The following PAX5 variants were observed in gnomAD, a reference collection of about 807,000 sequenced individuals.
The protein encoded by PAX5 is paired box protein Pax-5.
PAX5 carries 9 observed loss-of-function variants against 43.7 expected under a neutral mutation model. That is an observed-to-expected ratio of 0.21 (90% confidence interval 0.12 to 0.36). The LOEUF (loss-of-function observed/expected upper bound fraction) is 0.36. Among genes scored for constraint, PAX5 ranks in the 10% least tolerant of loss-of-function variants. The pLI, the probability that PAX5 is intolerant of heterozygous loss-of-function variation, is 1.00. For synonymous variants in PAX5, 228 were observed against 214.3 expected (o/e 1.06, Z -0.56); for missense variants, 383 against 532.7 (o/e 0.72, Z 2.77).
At chr9:36,905,600 C>A (rs748924901) in intron 7 of PAX5, among the ~76,000 whole-genome samples, 3 of 152,124 alleles carry the variant, frequency 2.0e-5, no homozygotes, top group Non-Finnish European at 4.4e-5. Context: ...CTCCGCATGG[C>A]TGAGTTGAAA....
intron 7 of PAX5, among the ~76,000 whole-genome samples, chr9:36,922,456 T>C (rs187994680): frequency 2.0e-5 from 3 of 152,270 alleles, no homozygotes; most frequent in Admixed American, 2.0e-4. Flanking sequence ...AGCTGGCAGC[T>C]GAGTCTGTCC....
chr9:36,899,631 C>T (rs550223699), intron 7 of PAX5, among the ~76,000 whole-genome samples: 2 of 152,196 alleles, frequency 1.3e-5, no homozygotes, highest in African/African-American at 4.8e-5. Flanking sequence ...CAAGGGCTAG[C>T]CAAAGGGAAA....
chr9:37,011,685 G>A (rs1838942615), intron 3 of PAX5, among the ~76,000 whole-genome samples: 1 of 152,184 alleles, frequency 6.6e-6, no homozygotes. Context: ...GTTCAGTGAT[G>A]CTTAACCCCT....
intron 6 of PAX5, among the ~76,000 whole-genome samples, chr9:36,942,214 G>T (rs1351391569): frequency 6.6e-6 from 1 of 152,222 alleles, no homozygotes; most frequent in Non-Finnish European, 1.5e-5. Context: ...GGGATTTGGG[G>T]TATCCCCATT....
intron 7 of PAX5, among the ~76,000 whole-genome samples, chr9:36,916,594 C>A (rs925160590): frequency 6.6e-6 from 1 of 151,974 alleles, no homozygotes; most frequent in Non-Finnish European, 1.5e-5. Context: ...TCTATTATGA[C>A]CCTTAAGGGA....
chr9:37,004,229 G>A (rs1040657099), intron 4 of PAX5, among the ~76,000 whole-genome samples: 1 of 152,208 alleles, frequency 6.6e-6, no homozygotes, highest in Admixed American at 6.5e-5. Flanking sequence ...GAGGTGGGGG[G>A]CAACTTTTGT....
intron 1 of PAX5, among the ~76,000 whole-genome samples, chr9:37,031,407 G>T (rs1210515237): frequency 1.3e-5 from 2 of 152,162 alleles, no homozygotes; most frequent in Non-Finnish European, 2.9e-5. Context: ...TCCATTCCAG[G>T]CTCATTCCAG....
intron 1 of PAX5, among the ~76,000 whole-genome samples, chr9:37,028,465 C>A (rs1043748960): frequency 8.5e-5 from 13 of 152,226 alleles, no homozygotes; most frequent in African/African-American, 3.1e-4. Context: ...ATATCTCACA[C>A]TCCTTTAAAG....
chr9:36,910,935 C>T (rs1829228499), intron 7 of PAX5, among the ~76,000 whole-genome samples: 1 of 152,160 alleles, frequency 6.6e-6, no homozygotes, highest in Non-Finnish European at 1.5e-5. Flanking sequence ...ATATGCATGT[C>T]ATTCATTCAT....
At chr9:36,988,640 G>T (rs939616045) in intron 5 of PAX5, among the ~76,000 whole-genome samples, 1 of 145,020 alleles carries the variant, frequency 6.9e-6, no homozygotes, top group African/African-American at 2.6e-5. Context: ...TCCAGCCTGG[G>T]CAACAGAGTG....
At chr9:37,026,403 A>C in intron 1 of PAX5, 1 of 795,414 alleles carries the variant, frequency 1.3e-6, no homozygotes, top group Non-Finnish European at 1.8e-6. Context: ...GGATCCCTGC[A>C]CTTTGCAAAG....
At chr9:36,906,976 C>T (rs1296664924) in intron 7 of PAX5, among the ~76,000 whole-genome samples, 3 of 152,198 alleles carry the variant, frequency 2.0e-5, no homozygotes, top group African/African-American at 2.4e-5. Flanking sequence ...CAGTCTGATC[C>T]AGCATCTGCA....
At chr9:37,022,578 T>C (rs746956254) in intron 1 of PAX5, among the ~76,000 whole-genome samples, 4 of 152,254 alleles carry the variant, frequency 2.6e-5, no homozygotes, top group Non-Finnish European at 5.9e-5. Flanking sequence ...TTATGGTCCA[T>C]CTGCAATAGC....
At chr9:36,881,270 T>C (rs1445779192) in intron 8 of PAX5, among the ~76,000 whole-genome samples, 2 of 152,200 alleles carry the variant, frequency 1.3e-5, no homozygotes, top group East Asian at 3.8e-4. Context: ...TGCTAACTCA[T>C]AAAAGATGTG....
intron 8 of PAX5, among the ~76,000 whole-genome samples, chr9:36,862,848 G>T (rs1587794123): frequency 6.6e-6 from 1 of 152,286 alleles, no homozygotes; most frequent in East Asian, 1.9e-4. Flanking sequence ...CTACTCTCAG[G>T]GTCTCTTTCG....
At chr9:37,018,792 C>T (rs1429736678) in intron 2 of PAX5, among the ~76,000 whole-genome samples, 1 of 152,132 alleles carries the variant, frequency 6.6e-6, no homozygotes, top group Non-Finnish European at 1.5e-5. Flanking sequence ...TTCCGAGTGC[C>T]ACTCTACCTA....
At position 37,034,098 on chromosome 9, in the gene PAX5, C is replaced by G; in HGVS notation, c.-67G>C. On this transcript the variant is annotated 5_prime_UTR_variant, in exon 1 of 10. Coordinates refer to ENST00000358127, the MANE Select transcript of PAX5 (RefSeq NM_016734.3). ...TCCACTTTTTTGTGCCTTTTTTTTTCTTTTTTTTTTTTTTTTTTTTTTTTT... is the reference window on the plus strand; with the variant it reads ...TCCACTTTTTTGTGCCTTTTTTTTTGTTTTTTTTTTTTTTTTTTTTTTTTT... 5 of 313,508 alleles carry G rather than the reference C, an allele frequency of 1.6e-5. No individual in the cohort carries two copies. The highest frequency in any genetic ancestry group is 5.6e-6 in the Non-Finnish European group (1 of 178,540). The allele number at this position is 313,508 out of a possible 1,614,324, so 19.4% of individuals were successfully genotyped here.
At chr9:36,897,172 C>G (rs539294770) in intron 7 of PAX5, among the ~76,000 whole-genome samples, 3 of 152,158 alleles carry the variant, frequency 2.0e-5, no homozygotes, top group Non-Finnish European at 4.4e-5. Context: ...TGAGCTTCCT[C>G]GGGTCCAGGC....
chr9:37,030,031 T>G (rs1403100187), intron 1 of PAX5, among the ~76,000 whole-genome samples: 1 of 152,160 alleles, frequency 6.6e-6, no homozygotes, highest in Non-Finnish European at 1.5e-5. Context: ...CAGGTTTTCC[T>G]TCGGATACCC....
Sources: allele counts gnomAD v4.1 joint callset (sites outside exome capture counted in the v4.1 genomes callset), GRCh38; gene constraint gnomAD v4.1.1; transcripts MANE v1.5; gene names NCBI Gene and HGNC (gene_info 2026-07-23, HGNC 2026-07-21).